Variants in UBE2V2 observed in about 807,000 individuals in gnomAD.
The protein encoded by UBE2V2 is ubiquitin-conjugating enzyme E2 variant 2.
A neutral mutation model predicts 17.2 loss-of-function variants in UBE2V2; 9 were observed. The ratio of observed to expected loss-of-function variants is 0.52; its 90% CI spans 0.32 to 0.91. UBE2V2 has a LOEUF of 0.91. UBE2V2 is among the 40% of genes least tolerant of loss of function. UBE2V2 has a pLI of 0.04. For missense variants in UBE2V2, 133 were observed against 182.6 expected (o/e 0.73, Z 1.56); for synonymous variants, 61 against 57.5 (o/e 1.06, Z -0.28).
At chr8:48,015,988 C>A (rs1201159524) in intron 1 of UBE2V2, among the ~76,000 whole-genome samples, 1 of 151,188 alleles carries the variant, frequency 6.6e-6, no homozygotes, top group Admixed American at 6.6e-5. Flanking sequence ...ACCTCCACCT[C>A]CTGGGTTCAA....
At chr8:48,032,702 G>A (rs531163183) in intron 1 of UBE2V2, among the ~76,000 whole-genome samples, 1 of 152,160 alleles carries the variant, frequency 6.6e-6, no homozygotes, top group African/African-American at 2.4e-5. Context: ...GCTGTAGTGA[G>A]CCATGGCGAC....
chr8:48,021,944 T>G (rs2091308610), intron 1 of UBE2V2, among the ~76,000 whole-genome samples: 1 of 151,362 alleles, frequency 6.6e-6, no homozygotes, highest in African/African-American at 2.4e-5. Context: ...CCTCCCAAAG[T>G]GCTGGGATTG....
At chr8:48,013,630 A>G (rs913573921) in intron 1 of UBE2V2, among the ~76,000 whole-genome samples, 2 of 152,174 alleles carry the variant, frequency 1.3e-5, no homozygotes, top group Non-Finnish European at 2.9e-5. Context: ...TTTTACATTT[A>G]TCACTTAGGT....
chr8:48,009,214 T>G (rs1170405445), intron 1 of UBE2V2, among the ~76,000 whole-genome samples: 1 of 152,068 alleles, frequency 6.6e-6, no homozygotes, highest in East Asian at 1.9e-4. Flanking sequence ...CGTTAAGCTT[T>G]AGTTTACATT....
intron 1 of UBE2V2, among the ~76,000 whole-genome samples, chr8:48,029,342 C>A (rs2091367529): frequency 6.6e-6 from 1 of 152,032 alleles, no homozygotes; most frequent in Admixed American, 6.6e-5. Context: ...AATGAACACA[C>A]AAACATCAGA....
intron 3 of UBE2V2, among the ~76,000 whole-genome samples, chr8:48,055,805 C>T (rs1162285736): frequency 6.6e-6 from 1 of 151,408 alleles, no homozygotes. Flanking sequence ...CACTCTGTCG[C>T]CCAGGCTGGA....
intron 3 of UBE2V2, among the ~76,000 whole-genome samples, chr8:48,054,398 C>T (rs543854091): frequency 6.6e-6 from 1 of 152,192 alleles, no homozygotes; most frequent in South Asian, 2.1e-4. Flanking sequence ...AATGTATATT[C>T]CCACCAACCC....
At chr8:48,019,466 T>A (rs1261409531) in intron 1 of UBE2V2, among the ~76,000 whole-genome samples, 2 of 151,200 alleles carry the variant, frequency 1.3e-5, no homozygotes, top group Non-Finnish European at 2.9e-5. Context: ...AGTCGGGAGA[T>A]TGCAGTGAGC....
rs546905165 is a variant in UBE2V2 at position 48,021,616 on chromosome 8, TC to T, written c.16+13147del. 3.2e-4 allele frequency among the ~76,000 whole-genome samples: 49 copies of T among 152,082 alleles called. 1 individual carries two copies. The South Asian group carries it at 9.6e-3, about 30-fold the overall frequency. On this transcript the variant is annotated intron_variant, in intron 1 of 3. Coordinates refer to ENST00000523111, the MANE Select transcript of UBE2V2 (RefSeq NM_003350.3). ...CCACTGCGCCCGGCCGGTCTTGAAC[TC>T]TTGACCTCAGGTGATCCACCCACCT...
At chr8:48,022,849 G>A (rs2091315091) in intron 1 of UBE2V2, among the ~76,000 whole-genome samples, 1 of 151,114 alleles carries the variant, frequency 6.6e-6, no homozygotes, top group Non-Finnish European at 1.5e-5. Context: ...CTGTTGCCCA[G>A]ACTGGTCTTG....
At chr8:48,042,820 T>C (rs2091472797) in intron 1 of UBE2V2, 1 of 388,390 alleles carries the variant, frequency 2.6e-6, no homozygotes, top group South Asian at 9.5e-5. Context: ...CGTTGTATAC[T>C]GCTGTTAATG....
chr8:48,031,801 ACT>A, intron 1 of UBE2V2, among the ~76,000 whole-genome samples: 1 of 151,614 alleles, frequency 6.6e-6, no homozygotes, highest in Admixed American at 6.6e-5. Flanking sequence ...GTGTGCCACC[ACT>A]CTCGGCTAAT....
In UBE2V2 at chr8:48,060,790, C is replaced by A; in HGVS notation, c.400C>A (p.Leu134Ile). 6.4e-7 allele frequency: 1 copy of A among 1,556,118 alleles called. No individual in the cohort carries two copies. The highest frequency in any genetic ancestry group is 1.2e-5 in the South Asian group (1 of 80,868). The change falls in exon 4 of 4, where the codon CTT (leucine) becomes ATT (isoleucine). Residue 134 changes from leucine (L) to isoleucine (I), a missense_variant. Physicochemically the swap from Leu to Ile is conservative, Grantham distance 5. Coordinates refer to ENST00000523111, the MANE Select transcript of UBE2V2 (RefSeq NM_003350.3). ...RLMMSKENMK[L>I]PQPPEGQTYN... is the part of the protein sequence containing the mutation. ...AATGATGTCCAAAGAAAATATGAAG[C>A]TTCCACAGCCACCAGAAGGACAAAC...
chr8:48,000,887 G>A, the UBE2V2 span, among the ~76,000 whole-genome samples: 1 of 150,260 alleles, frequency 6.7e-6, no homozygotes, highest in Non-Finnish European at 1.5e-5. Context: ...TGTAGAAGAG[G>A]AAGACTCAGA....
At chr8:48,018,944 T>C (rs2091286713) in intron 1 of UBE2V2, among the ~76,000 whole-genome samples, 1 of 152,158 alleles carries the variant, frequency 6.6e-6, no homozygotes, top group Non-Finnish European at 1.5e-5. Flanking sequence ...ATCTATTTTA[T>C]TGGGGGCCAG....
Position 48,035,110 on chromosome 8 carries a change from T to G in UBE2V2, c.17-7923T>G, listed in dbSNP as rs13268474. ...CATTGCTGCTTCCCTATTTATTCTT[T>G]TTTTTTTTTTTTTTTTTTTTTTGGA... On this transcript the variant is annotated intron_variant, in intron 1 of 3. Coordinates refer to ENST00000523111, the MANE Select transcript of UBE2V2 (RefSeq NM_003350.3). The G allele has an allele frequency of 1.2e-3, 706 of 576,406 alleles. 1 individual carries two copies. Among genetic ancestry groups the G allele is most frequent in the South Asian group, 8.0e-3 (99 of 12,320 alleles). The allele number at this position is 576,406 out of a possible 1,614,324, so 35.7% of individuals were successfully genotyped here. A position where few individuals can be genotyped will look rare whatever the true frequency, so the allele number is the denominator to read the frequency against.
the UBE2V2 span, among the ~76,000 whole-genome samples, chr8:47,998,419 G>A: frequency 8.5e-5 from 13 of 152,090 alleles, 1 homozygote; most frequent in Middle Eastern, 3.4e-3. Flanking sequence ...GCCGTGTCAG[G>A]TGTCCCTGAC....
intron 1 of UBE2V2, among the ~76,000 whole-genome samples, chr8:48,034,383 C>T (rs1452853772): frequency 1.3e-5 from 2 of 152,144 alleles, no homozygotes; most frequent in Non-Finnish European, 2.9e-5. Context: ...CCTTGGCCTC[C>T]CAAAGTGCTG....
At chr8:48,030,393 T>A (rs1226385904) in intron 1 of UBE2V2, among the ~76,000 whole-genome samples, 1 of 152,168 alleles carries the variant, frequency 6.6e-6, no homozygotes, top group Non-Finnish European at 1.5e-5. Context: ...ATGTCAGAGA[T>A]TTAATAATGA....
Sources: gnomAD v4.1 joint callset for allele counts (sites outside exome capture counted in the v4.1 genomes callset) on GRCh38, gnomAD v4.1.1 for gene constraint, MANE v1.5 for transcripts, NCBI Gene and HGNC (gene_info 2026-07-23, HGNC 2026-07-21) for gene names.